The following ICA1 variants were observed in gnomAD, a reference collection of about 807,000 sequenced individuals.
ICA1 encodes 69 kDa islet cell autoantigen.
Under a neutral mutation model 71.0 loss-of-function variants are expected in ICA1, and 40 were observed. That is an observed-to-expected ratio of 0.56 (90% CI 0.44 to 0.73). The LOEUF (loss-of-function observed/expected upper bound fraction) is 0.73. Among genes scored for constraint, ICA1 ranks in the 30% least tolerant of loss-of-function variants. The probability of loss-of-function intolerance (pLI) is 0.00; values close to 1 mark genes in which losing one functional copy is unlikely to be tolerated. For missense variants in ICA1, 578 were observed against 576.5 expected (o/e 1.00, Z -0.03); for synonymous variants, 207 against 209.5 (o/e 0.99, Z 0.10).
At chr7:8,203,367 T>A (rs1790403805) in intron 6 of ICA1, among the ~76,000 whole-genome samples, 1 of 152,196 alleles carries the variant, frequency 6.6e-6, no homozygotes, top group Non-Finnish European at 1.5e-5. Context: ...GAAATCTTCA[T>A]ATAAGTCAGA....
chr7:8,183,007 A>G (rs370269189), intron 6 of ICA1, among the ~76,000 whole-genome samples: 8 of 152,340 alleles, frequency 5.3e-5, no homozygotes, highest in Middle Eastern at 6.8e-3. Flanking sequence ...ATAGTTTTCC[A>G]CAACACAATG....
At chr7:8,205,843 C>T (rs952443473) in intron 6 of ICA1, among the ~76,000 whole-genome samples, 11 of 151,764 alleles carry the variant, frequency 7.2e-5, no homozygotes, top group African/African-American at 2.2e-4. Context: ...TAGAAGTGGA[C>T]GCTGAACACA....
rs1461982115 is a variant in ICA1, at chr7:8,173,389, T to C, written c.580-14737A>G. ...GGCAACGATTAAAACACATCAAATA[T>C]ATCCAAATCTATGAGTTCATAATAA... On this transcript the variant is annotated intron_variant, in intron 6 of 13. Transcript: ENST00000402384. The surrounding 1 kb of genome is among the most constrained non-coding windows in gnomAD (Gnocchi z 4.0). Among the ~76,000 whole-genome samples, 6 of 152,084 alleles carry C rather than the reference T, an allele frequency of 3.9e-5. No homozygotes were observed. The highest frequency in any genetic ancestry group is 8.8e-5 in the Non-Finnish European group (6 of 68,020).
chr7:8,129,293 C>T (rs1011137663), intron 12 of ICA1, among the ~76,000 whole-genome samples: 1 of 150,878 alleles, frequency 6.6e-6, no homozygotes, highest in African/African-American at 2.4e-5. Context: ...AGACATGCTG[C>T]AATTCTGATA....
intron 2 of ICA1, among the ~76,000 whole-genome samples, chr7:8,232,962 G>A (rs1416918734): frequency 1.3e-5 from 2 of 152,198 alleles, no homozygotes; most frequent in African/African-American, 4.8e-5. Flanking sequence ...TCAGAGTGGA[G>A]AAATTTAGAA....
In ICA1 at chr7:8,218,509, C is replaced by G. The variant is rs780067029; in HGVS notation, c.381-6G>C. On this transcript the variant is annotated splice_polypyrimidine_tract_variant and splice_region_variant and intron_variant, in intron 5 of 13. Transcript: ENST00000402384. ...AAGGATTTCGTAAGGCCAACCTAGA[C>G]AAGAGGACAAAGCCACACTCTCAAA... 1 of 1,613,514 alleles carries G rather than the reference C, an allele frequency of 6.2e-7. No homozygotes were observed. The highest frequency in any genetic ancestry group is 8.5e-7 in the Non-Finnish European group (1 of 1,179,630).
intron 6 of ICA1, among the ~76,000 whole-genome samples, chr7:8,198,336 G>A (rs963312139): frequency 1.3e-5 from 2 of 152,182 alleles, no homozygotes; most frequent in African/African-American, 2.4e-5. Context: ...GCATTGTTTG[G>A]AGAAAATCAA....
chr7:8,152,846 C>T, intron 8 of ICA1, among the ~76,000 whole-genome samples: 1 of 148,240 alleles, frequency 6.7e-6, no homozygotes. Flanking sequence ...CCACCACTAC[C>T]ACCATCACCT....
intron 6 of ICA1, among the ~76,000 whole-genome samples, chr7:8,194,865 A>C (rs1786895558): frequency 6.6e-6 from 1 of 152,304 alleles, no homozygotes; most frequent in African/African-American, 2.4e-5. Context: ...TCCAATCTCC[A>C]TGCAATGCTA....
intron 6 of ICA1, among the ~76,000 whole-genome samples, chr7:8,188,146 G>A (rs1255572689): frequency 6.6e-6 from 1 of 152,146 alleles, no homozygotes; most frequent in Non-Finnish European, 1.5e-5. Context: ...TTCTTGGGGT[G>A]TTTTGTTATT....
chr7:8,139,071 G>T (rs773322705), intron 10 of ICA1, 24 bp from the exon 11 acceptor site: 1 of 1,583,998 alleles, frequency 6.3e-7, no homozygotes, highest in African/African-American at 1.3e-5. Context: ...TGTGCAACTG[G>T]TTACCAACAA....
chr7:8,209,274 G>T (rs1029978399), intron 6 of ICA1, among the ~76,000 whole-genome samples: 3 of 151,980 alleles, frequency 2.0e-5, no homozygotes, highest in Admixed American at 6.6e-5. Context: ...CTCCACACTT[G>T]AAAAAAATCT....
chr7:8,219,548 TGTAAA>T (rs1374336094), intron 5 of ICA1, among the ~76,000 whole-genome samples: 4 of 152,250 alleles, frequency 2.6e-5, no homozygotes, highest in African/African-American at 4.8e-5. Context: ...TCTTCTTCTC[TGTAAA>T]GTATTGTTTT....
chr7:8,128,052 G>C lies in ICA1; in HGVS notation c.1151C>G (p.Ser384Cys). 2.5e-6 allele frequency: 4 copies of C among 1,614,216 alleles called. No homozygotes were observed. The highest frequency in any genetic ancestry group is 3.4e-6 in the Non-Finnish European group (4 of 1,180,038). The change falls in exon 13 of 14, where the codon TCC (serine) becomes TGC (cysteine). Residue 384 changes from serine (S) to cysteine (C), a missense_variant. Physicochemically the swap from Ser to Cys is moderately radical, Grantham distance 112. Coordinates refer to ENST00000402384, the MANE Select transcript of ICA1 (RefSeq NM_001136020.3). The part of the protein sequence containing the change: ...LLLSEIFNAS[S>C]LEEGEFSKEW... The stretch of plus-strand genomic sequence containing the variant: ...TTTGCTGAACTCGCCCTCTTCCAAG[G>C]AGGAAGCATTGAAGATCTCACTCAA...
chr7:8,138,295 GACTT>G (rs933321617), intron 12 of ICA1, among the ~76,000 whole-genome samples: 9 of 152,274 alleles, frequency 5.9e-5, no homozygotes, highest in African/African-American at 2.2e-4. Context: ...GGTCAGTAGA[GACTT>G]ACTACAGTAA....
At chr7:8,180,043 A>G (rs146636190) in intron 6 of ICA1, among the ~76,000 whole-genome samples, 1,855 of 152,180 alleles carry the variant, frequency 0.012, 11 homozygotes, top group Middle Eastern at 0.02. Context: ...GTTAAGGTCT[A>G]GCTTACACTG....
chr7:8,241,073 A>C (rs559969557), intron 1 of ICA1, among the ~76,000 whole-genome samples: 5 of 152,194 alleles, frequency 3.3e-5, no homozygotes, highest in Non-Finnish European at 7.3e-5. Context: ...AACACCACAG[A>C]GATACTCCTT....
intron 13 of ICA1, among the ~76,000 whole-genome samples, chr7:8,118,526 C>A (rs556368612): frequency 6.6e-6 from 1 of 151,986 alleles, no homozygotes; most frequent in African/African-American, 2.4e-5. Context: ...TTTTTAATGA[C>A]CAGTATTTGG....
At position 8,191,260 on chromosome 7, in the gene ICA1, T is replaced by C. The variant is rs564146497; in HGVS notation, c.579+27045A>G. ...GCACATAATTCTAATTATATCACAA[T>C]AGCTACAACATAAATACAGTATTGT... On this transcript the variant is annotated intron_variant, in intron 6 of 13. Coordinates refer to ENST00000402384, the MANE Select transcript of ICA1 (RefSeq NM_001136020.3). Among the ~76,000 whole-genome samples, 6 of 152,328 alleles carry C rather than the reference T, an allele frequency of 3.9e-5. No individual in the cohort carries two copies. In the South Asian group the frequency reaches 1.0e-3, roughly 26 times the overall value.
Sources: gnomAD v4.1 joint callset for allele counts (sites outside exome capture counted in the v4.1 genomes callset) on GRCh38, gnomAD v4.1.1 for gene constraint, Gnocchi (gnomAD v3.1) non-coding constraint, MANE v1.5 for transcripts, NCBI Gene and HGNC (gene_info 2026-07-23, HGNC 2026-07-21) for gene names.